TCTN1: variants seen among roughly 807,000 people sequenced by gnomAD.
The protein encoded by TCTN1 is tectonic family member 1, also known as tectonic-1.
A neutral mutation model predicts 65.8 loss-of-function variants in TCTN1; 58 were observed. The observed-to-expected ratio is 0.88, with a 90% confidence interval of 0.71 to 1.10. The LOEUF (loss-of-function observed/expected upper bound fraction) is 1.10, where lower values mean the gene tolerates loss of function less well. Among genes scored for constraint, TCTN1 ranks in the 50% least tolerant of loss-of-function variants. The pLI, the probability that TCTN1 is intolerant of heterozygous loss-of-function variation, is 0.00. For missense variants in TCTN1, 645 were observed against 719.4 expected, an observed-to-expected ratio of 0.90 and a Z score of 1.18; for synonymous variants, 273 against 289.1, an observed-to-expected ratio of 0.94 and a Z score of 0.57.
chr12:110,642,722 C>G (rs1463573183), intron 11 of TCTN1, among the ~76,000 whole-genome samples: 2 of 151,458 alleles, frequency 1.3e-5, no homozygotes, highest in Non-Finnish European at 2.9e-5. Flanking sequence ...CTCAGTCTCC[C>G]AAGTAGTTGG....
chr12:110,621,775 A>G (rs1022621376), intron 2 of TCTN1, among the ~76,000 whole-genome samples: 1 of 149,926 alleles, frequency 6.7e-6, no homozygotes, highest in African/African-American at 2.4e-5. Context: ...CCTAACCTGG[A>G]AGATCTCTTT....
chr12:110,647,847 C>T lies in TCTN1; in HGVS notation c.1734C>T (p.Ala578=). The stretch of plus-strand genomic sequence containing the variant: ...AGGCAGGCTTCAGAGCTCCACCAGC[C>T]ATCAATGCCAGGCTGCCCTTTAACT... The part of the protein sequence containing the change: ...PAEAGFRAPP[A]INARLPFNFF... Residue 578 remains alanine (A), a synonymous_variant, in exon 14 of 15, where the codon GCC becomes GCT. Transcript: ENST00000397659. 3 of 1,614,210 alleles carry T rather than the reference C, an allele frequency of 1.9e-6. No homozygotes were observed. The highest frequency in any genetic ancestry group is 2.5e-6 in the Non-Finnish European group (3 of 1,180,048).
At chr12:110,628,616 C>T (rs2066012148) in intron 3 of TCTN1, 151 bp from the exon 4 acceptor site, 3 of 735,846 alleles carry the variant, frequency 4.1e-6, no homozygotes, top group Admixed American at 2.8e-5. Context: ...GTTGAGATTA[C>T]AGGCGTGAGC....
intron 6 of TCTN1, 98 bp from the exon 7 acceptor site, chr12:110,636,383 A>C (rs1360036895): frequency 1.2e-6 from 1 of 823,166 alleles, no homozygotes; most frequent in East Asian, 2.7e-5. Flanking sequence ...AGCCTTTAAT[A>C]AGATGAATAT....
chr12:110,648,667 A>G (rs2067580680), intron 14 of TCTN1: 1 of 196,048 alleles, frequency 5.1e-6, no homozygotes, highest in Admixed American at 6.1e-5. Context: ...CTTGTTAATT[A>G]TAGTGGAGTC....
At chr12:110,638,968 C>T (rs1353515287) in intron 7 of TCTN1, among the ~76,000 whole-genome samples, 2 of 152,200 alleles carry the variant, frequency 1.3e-5, no homozygotes, top group Non-Finnish European at 2.9e-5. Flanking sequence ...CTGCCATTCT[C>T]GTCACATGAC....
At chr12:110,626,286 A>G in intron 2 of TCTN1, 76 bp from the exon 3 acceptor site, 1 of 1,465,660 alleles carries the variant, frequency 6.8e-7, no homozygotes, top group Non-Finnish European at 9.2e-7. Context: ...CAAGCATCTG[A>G]CAGTTTTAAA....
At position 110,632,387 on chromosome 12, in the gene TCTN1, C is replaced by A; in HGVS notation, c.625-85C>A. ...CAGTGTGTCTCTGATGCCTGCAGTG[C>A]TGCTTGGCACATTGTGGGTGCCCAG... On this transcript the variant is annotated intron_variant, in intron 4 of 14. Coordinates refer to ENST00000397659, the MANE Select transcript of TCTN1 (RefSeq NM_001082538.3). The A allele has an allele frequency of 1.4e-6, 2 of 1,386,970 alleles. 1 individual carries two copies. Among genetic ancestry groups the A allele is most frequent in the South Asian group, 2.3e-5 (2 of 86,054 alleles). 85.9% of individuals were successfully genotyped at this position (1,386,970 alleles called of 1,614,324 possible).
chr12:110,619,357 A>AG (rs1334467336), intron 1 of TCTN1, among the ~76,000 whole-genome samples: 1 of 152,124 alleles, frequency 6.6e-6, no homozygotes, highest in African/African-American at 2.4e-5. Flanking sequence ...ATACGTGAAG[A>AG]GGGGGCAAGA....
chr12:110,643,632 A>C (rs936238131), intron 11 of TCTN1: 2 of 152,082 alleles, frequency 1.3e-5, no homozygotes, highest in Admixed American at 6.5e-5. Context: ...ACATCTTCCC[A>C]GGGTCATTGG....
At chr12:110,631,344 A>G (rs2066224079) in intron 4 of TCTN1, among the ~76,000 whole-genome samples, 1 of 149,886 alleles carries the variant, frequency 6.7e-6, no homozygotes, top group African/African-American at 2.4e-5. Flanking sequence ...AGTTTACAAA[A>G]TATTCTTGGC....
chr12:110,636,844 G>A (rs1319415506), intron 7 of TCTN1, among the ~76,000 whole-genome samples: 2 of 152,210 alleles, frequency 1.3e-5, no homozygotes, highest in African/African-American at 4.8e-5. Flanking sequence ...CAGCTCCCAG[G>A]ATGCTGCCCG....
chr12:110,626,550 T>A, intron 3 of TCTN1, 58 bp downstream of exon 3: 1 of 1,502,236 alleles, frequency 6.7e-7, no homozygotes, highest in Non-Finnish European at 9.1e-7. Context: ...CTCAAAGTTA[T>A]GGAAAAATGT....
chr12:110,627,600 T>C (rs1489679640), intron 3 of TCTN1, among the ~76,000 whole-genome samples: 2 of 152,218 alleles, frequency 1.3e-5, no homozygotes, highest in Admixed American at 6.5e-5. Context: ...TACATAGGAA[T>C]CTAGGTTTCT....
chr12:110,628,993 C>T (rs745938015), intron 4 of TCTN1, 75 bp downstream of exon 4: 1 of 1,572,678 alleles, frequency 6.4e-7, no homozygotes, highest in Non-Finnish European at 8.7e-7. Context: ...TCAAGGTTAC[C>T]AGGAAAACTG....
At chr12:110,638,848 C>G (rs976532889) in intron 7 of TCTN1, among the ~76,000 whole-genome samples, 6 of 152,188 alleles carry the variant, frequency 3.9e-5, no homozygotes. Context: ...CGGGGTTGCC[C>G]TTGTGTTAAA....
At position 110,649,132 on chromosome 12, in the gene TCTN1, T is replaced by C; in HGVS notation, c.*91T>C. ...TTAAATTTTATATACAACTAGCAAT[T>C]GTCCAGCTTTGTTGCTCATTTTCAA... is the stretch of plus-strand genomic sequence containing the variant. On this transcript the variant is annotated 3_prime_UTR_variant, in exon 15 of 15. Coordinates refer to ENST00000397659, the MANE Select transcript of TCTN1 (RefSeq NM_001082538.3). 1.5e-6 allele frequency: 1 copy of C among 667,804 alleles called. No homozygotes were observed. Among genetic ancestry groups the C allele is most frequent in the Non-Finnish European group, 2.7e-6 (1 of 366,908 alleles). The allele number at this position is 667,804 out of a possible 1,614,324, so 41.4% of individuals were successfully genotyped here.
chr12:110,626,457 T>G lies in TCTN1; in HGVS notation c.437T>G (p.Ile146Ser). The G allele has an allele frequency of 6.2e-7, 1 of 1,612,666 alleles. No individual in the cohort carries two copies. The highest frequency in any genetic ancestry group is 8.5e-7 in the Non-Finnish European group (1 of 1,179,216). Residue 146 changes from isoleucine to serine, a missense_variant, in exon 3 of 15, where the codon ATT (isoleucine) becomes AGT (serine). Ile to Ser is a moderately radical substitution (Grantham distance 142). Transcript: ENST00000397659. ...PQRVFELVDQ[I>S]NPSIFCIHIT... is the part of the protein sequence containing the mutation. The stretch of plus-strand genomic sequence containing the variant: ...AGAGTATTTGAACTTGTTGACCAGA[T>G]TAATCCATCTATTTTCTGCATTCAT...
At chr12:110,621,845 T>A (rs2065453577) in intron 2 of TCTN1, among the ~76,000 whole-genome samples, 1 of 151,442 alleles carries the variant, frequency 6.6e-6, no homozygotes, top group South Asian at 2.1e-4. Context: ...TCGTTAAGAA[T>A]GAGTTGAATT....
Sources: allele counts gnomAD v4.1 joint callset (sites outside exome capture counted in the v4.1 genomes callset), GRCh38; gene constraint gnomAD v4.1.1; transcripts MANE v1.5; gene names NCBI Gene and HGNC (gene_info 2026-07-23, HGNC 2026-07-21).